KIF6: variants seen among roughly 807,000 people sequenced by gnomAD.
The protein encoded by KIF6 is kinesin family member 6, also known as kinesin-like protein KIF6.
A neutral mutation model predicts 112.7 loss-of-function variants in KIF6; 106 were observed. That is an observed-to-expected ratio of 0.94 (90% CI 0.80 to 1.11). KIF6 has a LOEUF of 1.11. Ranked by LOEUF, KIF6 falls within the 50% of genes least tolerant of loss-of-function variation. KIF6 has a pLI of 0.00. For missense variants in KIF6, 929 were observed against 964.0 expected (o/e 0.96, Z 0.48); for synonymous variants, 339 against 339.9 (o/e 1.00, Z 0.03).
intron 13 of KIF6, among the ~76,000 whole-genome samples, chr6:39,483,503 C>G (rs1774932137): frequency 6.6e-6 from 1 of 152,160 alleles, no homozygotes; most frequent in Admixed American, 6.5e-5. Flanking sequence ...CTGGGGTGTA[C>G]CTTTGTCTGA....
intron 13 of KIF6, among the ~76,000 whole-genome samples, chr6:39,487,626 A>C (rs912359643): frequency 1.3e-5 from 2 of 152,206 alleles, no homozygotes; most frequent in African/African-American, 4.8e-5. Flanking sequence ...AAATATACAG[A>C]GTATTAAGAA....
intron 22 of KIF6, among the ~76,000 whole-genome samples, chr6:39,337,235 C>CTT (rs758188254): frequency 1.3e-5 from 1 of 76,346 alleles, no homozygotes; most frequent in Non-Finnish European, 2.5e-5. Context: ...TTCTTTCTTT[C>CTT]TTTTTCTTTC....
chr6:39,380,542 T>C (rs1264286177), intron 16 of KIF6, among the ~76,000 whole-genome samples: 1 of 152,030 alleles, frequency 6.6e-6, no homozygotes, highest in Non-Finnish European at 1.5e-5. Flanking sequence ...CACGCGTGTG[T>C]GCACATGCAC....
At chr6:39,564,378 T>C (rs1471097063) in intron 10 of KIF6, among the ~76,000 whole-genome samples, 1 of 151,946 alleles carries the variant, frequency 6.6e-6, no homozygotes, top group Non-Finnish European at 1.5e-5. Context: ...GAATAAAGAG[T>C]ACTTTGAGGA....
At chr6:39,543,237 C>T (rs1371801750) in intron 12 of KIF6, among the ~76,000 whole-genome samples, 1 of 152,148 alleles carries the variant, frequency 6.6e-6, no homozygotes, top group African/African-American at 2.4e-5. Flanking sequence ...GGAAAAGAAA[C>T]AGAGCTCAGA....
chr6:39,424,180 T>A (rs1770593137), intron 14 of KIF6, among the ~76,000 whole-genome samples: 1 of 152,218 alleles, frequency 6.6e-6, no homozygotes, highest in South Asian at 2.1e-4. Context: ...CTTGGGGACG[T>A]CCCCTTTACT....
At chr6:39,598,839 GA>G (rs1011758452) in intron 6 of KIF6, among the ~76,000 whole-genome samples, 3 of 151,868 alleles carry the variant, frequency 2.0e-5, no homozygotes, top group Non-Finnish European at 4.4e-5. Flanking sequence ...AGAATGCTGG[GA>G]AAAAATAGCA....
At chr6:39,628,487 G>C (rs944236066) in intron 5 of KIF6, among the ~76,000 whole-genome samples, 3 of 152,010 alleles carry the variant, frequency 2.0e-5, no homozygotes, top group African/African-American at 7.2e-5. Context: ...TCATCACAAG[G>C]ATCCTTTGTG....
intron 13 of KIF6, among the ~76,000 whole-genome samples, chr6:39,483,018 T>C (rs1774893603): frequency 6.6e-6 from 1 of 152,200 alleles, no homozygotes; most frequent in Non-Finnish European, 1.5e-5. Flanking sequence ...GCTTTTTAGA[T>C]CAATGGAAAA....
At chr6:39,558,828 A>G (rs1302981468) in intron 10 of KIF6, among the ~76,000 whole-genome samples, 1 of 152,164 alleles carries the variant, frequency 6.6e-6, no homozygotes, top group Non-Finnish European at 1.5e-5. Flanking sequence ...CTTTTCATTC[A>G]TTTGGCCTAT....
intron 3 of KIF6, among the ~76,000 whole-genome samples, chr6:39,685,288 C>A (rs1379156204): frequency 5.9e-5 from 9 of 152,024 alleles, no homozygotes. Context: ...GGAGGACTGG[C>A]CTTTGGCAGA....
chr6:39,518,961 G>C (rs1322073429), intron 13 of KIF6, among the ~76,000 whole-genome samples: 4 of 152,178 alleles, frequency 2.6e-5, no homozygotes, highest in Non-Finnish European at 4.4e-5. Flanking sequence ...GTGAAGATGG[G>C]AAAACTACAG....
intron 2 of KIF6, 86 bp from the exon 3 acceptor site, chr6:39,714,852 T>C: frequency 1.1e-6 from 1 of 888,870 alleles, no homozygotes; most frequent in Non-Finnish European, 1.8e-6. Context: ...GAAAGCTCTA[T>C]TAATTACCCC....
chr6:39,538,132 A>G (rs1241673559), intron 13 of KIF6, among the ~76,000 whole-genome samples: 1 of 152,160 alleles, frequency 6.6e-6, no homozygotes, highest in Non-Finnish European at 1.5e-5. Flanking sequence ...AAACCTAGGC[A>G]TTACCATTCA....
intron 13 of KIF6, among the ~76,000 whole-genome samples, chr6:39,483,440 A>C (rs1774926403): frequency 6.6e-6 from 1 of 152,200 alleles, no homozygotes; most frequent in South Asian, 2.1e-4. Flanking sequence ...ATGGGGAAAC[A>C]GTAACTTTTA....
chr6:39,631,984 G>C (rs1447237531), intron 5 of KIF6, among the ~76,000 whole-genome samples: 3 of 152,046 alleles, frequency 2.0e-5, no homozygotes, highest in Non-Finnish European at 4.4e-5. Flanking sequence ...TCTTGGTTAA[G>C]TTTGGTTTAA....
intron 13 of KIF6, among the ~76,000 whole-genome samples, chr6:39,450,985 T>C (rs1240370760): frequency 1.3e-5 from 2 of 152,236 alleles, no homozygotes. Context: ...TGAAAGTCTT[T>C]AGGAATGTTG....
chr6:39,674,403 A>T (rs1787016290), intron 3 of KIF6, among the ~76,000 whole-genome samples: 2 of 152,156 alleles, frequency 1.3e-5, no homozygotes, highest in East Asian at 3.9e-4. Context: ...TTTTTTGCTT[A>T]CCTGAATTCT....
At chr6:39,435,053 A>G (rs925061588) in intron 13 of KIF6, among the ~76,000 whole-genome samples, 1 of 152,206 alleles carries the variant, frequency 6.6e-6, no homozygotes, top group African/African-American at 2.4e-5. Flanking sequence ...GCTTACATAA[A>G]TAAGTGATTA....
Sources: allele counts gnomAD v4.1 joint callset (sites outside exome capture counted in the v4.1 genomes callset), GRCh38; gene constraint gnomAD v4.1.1; transcripts MANE v1.5; gene names NCBI Gene and HGNC (gene_info 2026-07-23, HGNC 2026-07-21).